Variants in SGCZ observed in about 807,000 individuals in gnomAD.
SGCZ encodes sarcoglycan zeta.
Under a neutral mutation model 41.3 loss-of-function variants are expected in SGCZ, and 40 were observed. The observed-to-expected ratio is 0.97, with a 90% CI of 0.75 to 1.26. The LOEUF (loss-of-function observed/expected upper bound fraction) is 1.26, where lower values mean the gene tolerates loss of function less well. Among genes scored for constraint, SGCZ ranks in the 50% most tolerant of loss-of-function variants. The pLI is 0.00. For synonymous variants in SGCZ, 206 were observed against 137.5 expected (o/e 1.50, Z -3.49); for missense variants, 552 against 369.8 (o/e 1.49, Z -4.04).
chr8:14,311,026 C>T (rs964229660), intron 3 of SGCZ, among the ~76,000 whole-genome samples: 4 of 152,092 alleles, frequency 2.6e-5, no homozygotes, highest in Non-Finnish European at 5.9e-5. Context: ...TCAGATGAAA[C>T]CAAACTGACC....
chr8:14,858,243 T>C (rs1803607369), intron 1 of SGCZ, among the ~76,000 whole-genome samples: 1 of 151,872 alleles, frequency 6.6e-6, no homozygotes, highest in African/African-American at 2.4e-5. Context: ...TTAAGATAAA[T>C]TATTTAAATA....
chr8:14,123,210 C>A lies in SGCZ; in HGVS notation c.548-14975G>T, dbSNP rs550806632. On this transcript the variant is annotated intron_variant, in intron 5 of 7. Coordinates refer to ENST00000382080, the MANE Select transcript of SGCZ (RefSeq NM_139167.4). ...AAACAATAAAGGGGTGATGAGTAAA[C>A]AGACTGATTCTGAAAGTTTGTTTTG... Among the ~76,000 whole-genome samples the A allele has an allele frequency of 4.6e-5, 7 of 152,258 alleles. 1 individual carries two copies. In the South Asian group the frequency reaches 1.0e-3, roughly 23 times the overall value.
intron 1 of SGCZ, among the ~76,000 whole-genome samples, chr8:14,909,338 G>A (rs79809806): frequency 0.011 from 1,738 of 152,070 alleles, 36 homozygotes; most frequent in African/African-American, 0.04. Flanking sequence ...TTCCTTTTTT[G>A]AAGTGTTTAC....
At chr8:14,927,727 G>T (rs1264491890) in intron 1 of SGCZ, among the ~76,000 whole-genome samples, 3 of 152,160 alleles carry the variant, frequency 2.0e-5, no homozygotes, top group Non-Finnish European at 4.4e-5. Flanking sequence ...TTGAGAAAAA[G>T]AATACATTCA....
chr8:15,153,293 T>A (rs1315533153), intron 1 of SGCZ, among the ~76,000 whole-genome samples: 1 of 152,132 alleles, frequency 6.6e-6, no homozygotes, highest in Non-Finnish European at 1.5e-5. Context: ...AAAACAAATG[T>A]CTAATGCATG....
intron 1 of SGCZ, among the ~76,000 whole-genome samples, chr8:14,726,296 G>T (rs1429604494): frequency 8.6e-6 from 1 of 115,742 alleles, no homozygotes; most frequent in African/African-American, 3.0e-5. Context: ...GTGTGTGTGT[G>T]TATATGTGTA....
chr8:14,527,749 G>A (rs528688698), intron 2 of SGCZ, among the ~76,000 whole-genome samples: 12 of 152,154 alleles, frequency 7.9e-5, no homozygotes, highest in South Asian at 2.1e-4. Context: ...TTACCACTGC[G>A]TCTAACAGCC....
chr8:14,315,624 A>T (rs1801689246), intron 3 of SGCZ, among the ~76,000 whole-genome samples: 1 of 152,136 alleles, frequency 6.6e-6, no homozygotes, highest in Admixed American at 6.6e-5. Context: ...AGAGGATATT[A>T]TTAGACACAT....
intron 1 of SGCZ, among the ~76,000 whole-genome samples, chr8:15,040,385 C>A (rs1481030643): frequency 6.6e-6 from 1 of 152,028 alleles, no homozygotes; most frequent in Non-Finnish European, 1.5e-5. Context: ...AAGGCCGAGG[C>A]GGACGGATCA....
chr8:14,377,445 ATT>A (rs200388915), intron 2 of SGCZ, among the ~76,000 whole-genome samples: 1,598 of 152,178 alleles, frequency 0.011, 24 homozygotes, highest in African/African-American at 0.035. Context: ...TATGTGAGTT[ATT>A]TTATAAAATC....
rs114194360 is a variant in SGCZ at position 14,893,544 on chromosome 8, G to T, written c.40-338618C>A. Among the ~76,000 whole-genome samples, 307 of 152,262 alleles carry T rather than the reference G, an allele frequency of 2.0e-3. 1 individual carries two copies. Among genetic ancestry groups the T allele is most frequent in the African/African-American group, 7.1e-3 (293 of 41,544 alleles). The stretch of plus-strand genomic sequence containing the variant: ...GACGTAGAATTATATTTTAATGTAT[G>T]TATGCTAGACTGTGAATAATTAACA... On this transcript the variant is annotated intron_variant, in intron 1 of 7. Coordinates refer to ENST00000382080, the MANE Select transcript of SGCZ (RefSeq NM_139167.4).
chr8:14,680,047 A>C (rs1412144168), intron 1 of SGCZ, among the ~76,000 whole-genome samples: 1 of 152,112 alleles, frequency 6.6e-6, no homozygotes, highest in African/African-American at 2.4e-5. Context: ...AGTATTTTCC[A>C]TAATATTTGC....
chr8:14,939,582 A>G (rs1470095007), intron 1 of SGCZ, among the ~76,000 whole-genome samples: 1 of 152,194 alleles, frequency 6.6e-6, no homozygotes, highest in Non-Finnish European at 1.5e-5. Context: ...CATCAAAGAA[A>G]TGATATTTTA....
intron 1 of SGCZ, among the ~76,000 whole-genome samples, chr8:15,210,851 C>T (rs1038146419): frequency 1.3e-5 from 2 of 151,968 alleles, no homozygotes; most frequent in African/African-American, 4.8e-5. Flanking sequence ...TCCCATTAAA[C>T]CTTTTCTTAT....
At chr8:14,944,790 C>A (rs1800387257) in intron 1 of SGCZ, among the ~76,000 whole-genome samples, 1 of 152,114 alleles carries the variant, frequency 6.6e-6, no homozygotes, top group Non-Finnish European at 1.5e-5. Context: ...GACTTGACCC[C>A]ATTTTAAGTC....
intron 5 of SGCZ, among the ~76,000 whole-genome samples, chr8:14,127,548 CG>C (rs1563142113): frequency 6.6e-6 from 1 of 152,092 alleles, no homozygotes; most frequent in Non-Finnish European, 1.5e-5. Context: ...CTCCGCCTCC[CG>C]GGTTCATGCC....
At chr8:14,332,899 A>G (rs1004874981) in intron 2 of SGCZ, among the ~76,000 whole-genome samples, 5 of 148,910 alleles carry the variant, frequency 3.4e-5, no homozygotes, top group Admixed American at 2.0e-4. Context: ...ATGTGTGTCT[A>G]TATATCTATA....
intron 2 of SGCZ, among the ~76,000 whole-genome samples, chr8:14,486,590 G>A (rs1473195848): frequency 1.3e-5 from 2 of 152,324 alleles, no homozygotes; most frequent in African/African-American, 4.8e-5. Flanking sequence ...GCGCGCGCGT[G>A]CGCACGTGTG....
intron 1 of SGCZ, among the ~76,000 whole-genome samples, chr8:15,236,974 G>A (rs573752388): frequency 1.1e-4 from 16 of 152,356 alleles, no homozygotes; most frequent in African/African-American, 3.6e-4. Flanking sequence ...GCCGTCCCCG[G>A]CAGCGGGGGT....
Sources: allele counts gnomAD v4.1 joint callset (sites outside exome capture counted in the v4.1 genomes callset), GRCh38; gene constraint gnomAD v4.1.1; transcripts MANE v1.5; gene names NCBI Gene and HGNC (gene_info 2026-07-23, HGNC 2026-07-21).